Variants in THAP6 observed in about 807,000 individuals in gnomAD.
The protein encoded by THAP6 is THAP domain-containing protein 6.
A neutral mutation model predicts 20.0 loss-of-function variants in THAP6; 13 were observed. The observed-to-expected ratio is 0.65, with a 90% CI of 0.42 to 1.03. The LOEUF (loss-of-function observed/expected upper bound fraction) is 1.03, where lower values mean the gene tolerates loss of function less well. Among genes scored for constraint, THAP6 ranks in the 50% least tolerant of loss-of-function variants. The pLI is 0.00. For synonymous variants in THAP6, 93 were observed against 92.2 expected (o/e 1.01, Z -0.05); for missense variants, 262 against 261.6 (o/e 1.00, Z -0.01).
At chr4:75,519,167 T>C (rs1370716916) in intron 3 of THAP6, among the ~76,000 whole-genome samples, 1 of 152,204 alleles carries the variant, frequency 6.6e-6, no homozygotes, top group Non-Finnish European at 1.5e-5. Context: ...CTTGTATGAT[T>C]CATCCACATT....
At chr4:75,542,744 T>A in intron 3 of THAP6, 1 of 326,672 alleles carries the variant, frequency 3.1e-6, no homozygotes, top group Non-Finnish European at 5.6e-6. Flanking sequence ...TGTCTTTTTT[T>A]ATTTATTCTG....
At chr4:75,536,033 G>T (rs769249297) in intron 2 of THAP6, among the ~76,000 whole-genome samples, 1 of 152,150 alleles carries the variant, frequency 6.6e-6, no homozygotes, top group Non-Finnish European at 1.5e-5. Flanking sequence ...CTTGATTACT[G>T]CAAGAAAGTC....
intron 3 of THAP6, among the ~76,000 whole-genome samples, chr4:75,520,081 G>A (rs550531970): frequency 6.6e-6 from 1 of 152,250 alleles, no homozygotes; most frequent in South Asian, 2.1e-4. Context: ...GATGGCCAGT[G>A]ATGGTGAGCA....
intron 3 of THAP6, among the ~76,000 whole-genome samples, chr4:75,547,230 A>G (rs1431939846): frequency 6.6e-6 from 1 of 152,220 alleles, no homozygotes; most frequent in Non-Finnish European, 1.5e-5. Context: ...GGCTAAAACT[A>G]ATCAAGATTT....
intron 2 of THAP6, among the ~76,000 whole-genome samples, chr4:75,538,311 G>A (rs1460383176): frequency 1.3e-5 from 2 of 151,868 alleles, no homozygotes; most frequent in African/African-American, 2.4e-5. Context: ...CAGATTGTAG[G>A]ATTTGAGAGT....
At chr4:75,516,623 C>T (rs1337022002) in intron 2 of THAP6, 149 bp from the exon 3 acceptor site, 4 of 657,054 alleles carry the variant, frequency 6.1e-6, no homozygotes, top group Admixed American at 6.3e-5. Context: ...GTAACAAAAG[C>T]ATGAATTATG....
intron 3 of THAP6, among the ~76,000 whole-genome samples, chr4:75,546,421 G>A (rs1043286492): frequency 2.6e-5 from 4 of 152,204 alleles, no homozygotes; most frequent in African/African-American, 7.2e-5. Flanking sequence ...AAGGAGCACT[G>A]TCCATGCCCC....
rs377726376 is a variant in THAP6, at chr4:75,527,710, A to G, written c.*496A>G. On this transcript the variant is annotated 3_prime_UTR_variant, in exon 5 of 5. Transcript: ENST00000311638. ...GGTGCTTTAGCTATCAGTAGTACCAAAGGATCTTTTTACAAGGCTTCCTGT... is the reference window on the plus strand; with the variant it reads ...GGTGCTTTAGCTATCAGTAGTACCAGAGGATCTTTTTACAAGGCTTCCTGT... 15 of 989,780 alleles carry G rather than the reference A, an allele frequency of 1.5e-5. No homozygotes were observed. The East Asian group carries it at 3.3e-4, about 22-fold the overall frequency. 61.3% of individuals were successfully genotyped at this position (989,780 alleles called of 1,614,324 possible).
intron 3 of THAP6, chr4:75,542,501 T>G (rs1168505619): frequency 8.6e-6 from 6 of 701,354 alleles, no homozygotes; most frequent in Non-Finnish European, 1.6e-5. Flanking sequence ...CAATCTTTAT[T>G]CAAAGCACTT....
Position 75,529,499 on chromosome 4 carries a change from G to A in THAP6, c.*2285G>A. 1 of 985,392 alleles carries A rather than the reference G, an allele frequency of 1.0e-6. No individual in the cohort carries two copies. The highest frequency in any genetic ancestry group is 4.7e-5 in the South Asian group (1 of 21,278). 61.0% of individuals were successfully genotyped at this position (985,392 alleles called of 1,614,324 possible). ...ACCCAGAGCTGCCCATTTTCTCTTT[G>A]TTCTAATAGGGAAGCAATTACTGAT... On this transcript the variant is annotated 3_prime_UTR_variant, in exon 5 of 5. Transcript: ENST00000311638.
intron 2 of THAP6, among the ~76,000 whole-genome samples, chr4:75,541,361 A>C (rs186785149): frequency 2.0e-5 from 3 of 152,344 alleles, no homozygotes; most frequent in African/African-American, 4.8e-5. Context: ...ACATGGATAA[A>C]AACAATATAA....
At chr4:75,530,047 A>G (rs1309327073), downstream of THAP6, 1 of 983,766 alleles carries the variant, frequency 1.0e-6, no homozygotes. Flanking sequence ...GGTTTTATAC[A>G]TTGAGTTATT....
Position 75,527,920 on chromosome 4 carries a change from T to C in THAP6, c.*706T>C, listed in dbSNP as rs576051324. Reference sequence around the variant, plus strand: ...AGACAAAAAGGATCGTAGATCTGATTTTTAAATGGTTGGTTGCTCTGACAG... The same window carrying C: ...AGACAAAAAGGATCGTAGATCTGATCTTTAAATGGTTGGTTGCTCTGACAG... On this transcript the variant is annotated 3_prime_UTR_variant, in exon 5 of 5. Coordinates refer to ENST00000311638, the MANE Select transcript of THAP6 (RefSeq NM_144721.6). The C allele has an allele frequency of 1.4e-4, 140 of 985,464 alleles. 2 individuals carry two copies. The South Asian group carries it at 5.7e-3, about 40-fold the overall frequency. 61.0% of individuals were successfully genotyped at this position (985,464 alleles called of 1,614,324 possible).
chr4:75,527,082 T>C lies in THAP6; in HGVS notation c.537T>C (p.Phe179=), dbSNP rs973473212. The part of the protein sequence containing the change: ...LRNVLDREKR[F]QKSLRKTIRE... ...ATGTTTTAGACCGAGAAAAACGTTT[T>C]CAGAAATCATTGAGGAAGACAATCA... is the stretch of plus-strand genomic sequence containing the variant. The change falls in exon 5 of 5, where the codon TTT becomes TTC. Residue 179 remains phenylalanine (F), a synonymous_variant. Transcript: ENST00000311638. The C allele has an allele frequency of 6.2e-7, 1 of 1,614,022 alleles. No homozygotes were observed. Among genetic ancestry groups the C allele is most frequent in the African/African-American group, 1.3e-5 (1 of 74,936 alleles).
intron 3 of THAP6, among the ~76,000 whole-genome samples, chr4:75,545,442 C>A (rs1464515875): frequency 3.9e-5 from 6 of 152,136 alleles, no homozygotes; most frequent in Non-Finnish European, 8.8e-5. Flanking sequence ...GTGCCTGAAC[C>A]CCCTTTTAGG....
rs1726544286 is a variant in THAP6 at position 75,528,843 on chromosome 4, G to T, written c.*1629G>T. 1 of 883,596 alleles carries T rather than the reference G, an allele frequency of 1.1e-6. No homozygotes were observed. Among genetic ancestry groups the T allele is most frequent in the Non-Finnish European group, 1.4e-6 (1 of 737,576 alleles). 54.7% of individuals were successfully genotyped at this position (883,596 alleles called of 1,614,324 possible). A position where few individuals can be genotyped will look rare whatever the true frequency, so the allele number is the denominator to read the frequency against. On this transcript the variant is annotated 3_prime_UTR_variant, in exon 5 of 5. Coordinates refer to ENST00000311638, the MANE Select transcript of THAP6 (RefSeq NM_144721.6). ...GCAGGCAGATCACTTGAGGTCAGGGGTTCAAAACCAGCCTGGCCAAGATGG... is the reference window on the plus strand; with the variant it reads ...GCAGGCAGATCACTTGAGGTCAGGGTTTCAAAACCAGCCTGGCCAAGATGG...
downstream of THAP6, among the ~76,000 whole-genome samples, chr4:75,531,781 T>C (rs935889507): frequency 7.5e-4 from 60 of 79,558 alleles, no homozygotes; most frequent in African/African-American, 2.4e-3. Context: ...GAAACTCCCC[T>C]TTTTTTTTTT....
At chr4:75,534,791 A>C (rs1309309519), downstream of THAP6, among the ~76,000 whole-genome samples, 1 of 152,264 alleles carries the variant, frequency 6.6e-6, no homozygotes, top group Non-Finnish European at 1.5e-5. Context: ...TTATGCAGCC[A>C]ACAGACACAT....
rs1026603819 is a variant in THAP6, at chr4:75,528,773, G to A, written c.*1559G>A. 24 of 951,518 alleles carry A rather than the reference G, an allele frequency of 2.5e-5. No homozygotes were observed. The highest frequency in any genetic ancestry group is 9.7e-5 in the South Asian group (2 of 20,538). 58.9% of individuals were successfully genotyped at this position (951,518 alleles called of 1,614,324 possible). A position where few individuals can be genotyped will look rare whatever the true frequency, so the allele number is the denominator to read the frequency against. The stretch of plus-strand genomic sequence containing the variant: ...AAGGTAGTTAAAAAAAAAAAAGGCC[G>A]GGTGGTGGCTCATACCTGTAATCCT... On this transcript the variant is annotated 3_prime_UTR_variant, in exon 5 of 5. Coordinates refer to ENST00000311638, the MANE Select transcript of THAP6 (RefSeq NM_144721.6).
Sources: allele counts gnomAD v4.1 joint callset (sites outside exome capture counted in the v4.1 genomes callset), GRCh38; gene constraint gnomAD v4.1.1; transcripts MANE v1.5; gene names NCBI Gene and HGNC (gene_info 2026-07-23, HGNC 2026-07-21).